PREX2: variants seen among roughly 807,000 people sequenced by gnomAD.
PREX2 encodes the protein phosphatidylinositol 3,4,5-trisphosphate-dependent Rac exchanger 2 protein.
A neutral mutation model predicts 203.2 loss-of-function variants in PREX2; 107 were observed. The observed-to-expected ratio is 0.53, with a 90% CI of 0.45 to 0.62. PREX2 has a LOEUF of 0.62. Among genes scored for constraint, PREX2 ranks in the 20% least tolerant of loss-of-function variants. The pLI, the probability that PREX2 is intolerant of heterozygous loss-of-function variation, is 0.00. For missense variants in PREX2, 1,777 were observed against 1,955.9 expected (o/e 0.91, Z 1.72); for synonymous variants, 672 against 663.6 (o/e 1.01, Z -0.19).
At chr8:68,099,400 G>A (rs1405369234) in intron 22 of PREX2, among the ~76,000 whole-genome samples, 1 of 152,034 alleles carries the variant, frequency 6.6e-6, no homozygotes, top group East Asian at 1.9e-4. Context: ...TTGAAGTCCA[G>A]TTACCTCACC....
At chr8:68,076,363 GGGA>G in intron 14 of PREX2, among the ~76,000 whole-genome samples, 1 of 152,142 alleles carries the variant, frequency 6.6e-6, no homozygotes, top group East Asian at 1.9e-4. Flanking sequence ...AGGCTGAGGT[GGGA>G]GAATCGCTTG....
intron 2 of PREX2, among the ~76,000 whole-genome samples, chr8:68,018,426 C>T (rs1807467862): frequency 6.6e-6 from 1 of 151,984 alleles, no homozygotes; most frequent in Non-Finnish European, 1.5e-5. Flanking sequence ...GAGATGGCGC[C>T]ATTGCACTCC....
intron 6 of PREX2, among the ~76,000 whole-genome samples, chr8:68,037,140 A>T (rs1197127434): frequency 6.6e-6 from 1 of 152,182 alleles, no homozygotes; most frequent in Non-Finnish European, 1.5e-5. Flanking sequence ...GAAATATGAA[A>T]TTTAAAATTA....
intron 8 of PREX2, 125 bp downstream of exon 8, chr8:68,044,715 A>C (rs1020985914): frequency 1.0e-4 from 73 of 702,176 alleles, no homozygotes; most frequent in Non-Finnish European, 1.3e-4. Flanking sequence ...TTGTTAGGTA[A>C]AGTGGTTGGG....
intron 34 of PREX2, among the ~76,000 whole-genome samples, chr8:68,150,129 T>A (rs1811404275): frequency 6.6e-6 from 1 of 152,192 alleles, no homozygotes; most frequent in Admixed American, 6.5e-5. Context: ...GCCCATCATT[T>A]CTGAGAGAGG....
chr8:68,073,605 GT>G (rs1326671355), intron 14 of PREX2, among the ~76,000 whole-genome samples: 1 of 152,050 alleles, frequency 6.6e-6, no homozygotes, highest in Non-Finnish European at 1.5e-5. Flanking sequence ...ACATTTAGAA[GT>G]TTTTAGATGA....
Position 68,007,438 on chromosome 8 carries a change from T to TA in PREX2, c.142-10407dup, listed in dbSNP as rs1166802789. Among the ~76,000 whole-genome samples, 5 of 152,372 alleles carry TA rather than the reference T, an allele frequency of 3.3e-5. No homozygotes were observed. The East Asian group carries it at 9.6e-4, about 29-fold the overall frequency. On this transcript the variant is annotated intron_variant, in intron 1 of 39. Transcript: ENST00000288368. ...TCCTAGTTGGTTATTGTCATTGATA[T>TA]AGCTTGCTATGTGGGTGATGTAAAA...
chr8:68,215,840 A>T (rs1175152546), intron 37 of PREX2, among the ~76,000 whole-genome samples: 2 of 152,056 alleles, frequency 1.3e-5, no homozygotes, highest in Non-Finnish European at 2.9e-5. Flanking sequence ...CCCGGCTGAA[A>T]ACTGATTTTT....
At chr8:68,072,694 TAA>T in intron 14 of PREX2, 124 bp downstream of exon 14, 1 of 559,430 alleles carries the variant, frequency 1.8e-6, no homozygotes, top group Non-Finnish European at 3.2e-6. Flanking sequence ...TACATACAAC[TAA>T]TAGGAAGCAG....
At chr8:68,051,199 A>G (rs553131897) in intron 8 of PREX2, among the ~76,000 whole-genome samples, 9 of 152,156 alleles carry the variant, frequency 5.9e-5, no homozygotes, top group South Asian at 2.1e-4. Flanking sequence ...CATGACTTGA[A>G]TGATTTTGGC....
At chr8:68,063,970 G>C (rs191160057) in intron 11 of PREX2, among the ~76,000 whole-genome samples, 184 of 152,272 alleles carry the variant, frequency 1.2e-3, no homozygotes, top group African/African-American at 4.2e-3. Context: ...TTTAAACAGA[G>C]CAAGCAAAAA....
chr8:67,979,493 T>C (rs1806204711), intron 1 of PREX2, among the ~76,000 whole-genome samples: 1 of 152,184 alleles, frequency 6.6e-6, no homozygotes, highest in African/African-American at 2.4e-5. Flanking sequence ...TAAATGCCAA[T>C]ATCATATGGA....
chr8:67,981,071 A>G (rs1230788271), intron 1 of PREX2, among the ~76,000 whole-genome samples: 2 of 152,208 alleles, frequency 1.3e-5, no homozygotes, highest in Non-Finnish European at 2.9e-5. Flanking sequence ...ATTATTTTTG[A>G]TAGGAAGTGT....
intron 37 of PREX2, among the ~76,000 whole-genome samples, chr8:68,201,110 A>G (rs1389024650): frequency 6.6e-6 from 1 of 152,110 alleles, no homozygotes; most frequent in Non-Finnish European, 1.5e-5. Context: ...CTACCAAATT[A>G]TATTATAAAT....
At chr8:68,174,149 G>C (rs1374945754) in intron 35 of PREX2, among the ~76,000 whole-genome samples, 1 of 152,042 alleles carries the variant, frequency 6.6e-6, no homozygotes, top group East Asian at 1.9e-4. Flanking sequence ...CTTTTGTTTT[G>C]TGGATGTACC....
intron 33 of PREX2, among the ~76,000 whole-genome samples, chr8:68,145,787 G>A (rs1811313890): frequency 1.3e-5 from 2 of 152,064 alleles, no homozygotes; most frequent in African/African-American, 4.8e-5. Context: ...CAGAACCCAT[G>A]CTAATTTTGA....
intron 9 of PREX2, among the ~76,000 whole-genome samples, chr8:68,053,875 A>G (rs1204387451): frequency 6.6e-6 from 1 of 152,216 alleles, no homozygotes; most frequent in Non-Finnish European, 1.5e-5. Context: ...AAATTTGCAA[A>G]AGGAATTTGG....
chr8:68,095,074 G>C (rs7839557), intron 21 of PREX2: 1 of 152,192 alleles, frequency 6.6e-6, no homozygotes, highest in African/African-American at 2.4e-5. Context: ...GCTGAGCACC[G>C]AGCTGTGTAG....
intron 1 of PREX2, among the ~76,000 whole-genome samples, chr8:68,016,256 ATAT>A (rs1157853560): frequency 3.9e-5 from 6 of 152,184 alleles, no homozygotes; most frequent in African/African-American, 1.4e-4. Context: ...GCACACACCA[ATAT>A]TATCCATTTG....
Sources: allele counts gnomAD v4.1 joint callset (sites outside exome capture counted in the v4.1 genomes callset), GRCh38; gene constraint gnomAD v4.1.1; transcripts MANE v1.5; gene names NCBI Gene and HGNC (gene_info 2026-07-23, HGNC 2026-07-21).